HYCC1: variants seen among roughly 807,000 people sequenced by gnomAD.
The protein encoded by HYCC1 is hyccin PI4KA lipid kinase complex subunit 1.
chr7:22,977,066 G>A, the HYCC1 span, among the ~76,000 whole-genome samples: 1 of 17,942 alleles, frequency 5.6e-5, no homozygotes, highest in African/African-American at 2.2e-4. Context: ...CCCCCTGCCC[G>A]CCGGCCAACA....
the HYCC1 span, among the ~76,000 whole-genome samples, chr7:22,999,761 C>T: frequency 6.6e-6 from 1 of 152,082 alleles, no homozygotes; most frequent in Non-Finnish European, 1.5e-5. Context: ...CAAAGTGTTT[C>T]TATTAGTTTG....
At chr7:22,898,567 G>A in the HYCC1 span, among the ~76,000 whole-genome samples, 5 of 148,330 alleles carry the variant, frequency 3.4e-5, no homozygotes, top group Admixed American at 6.8e-5. Context: ...ACCCAGGCTG[G>A]TCCAAATATT....
the HYCC1 span, among the ~76,000 whole-genome samples, chr7:22,999,596 T>C: frequency 4.6e-5 from 7 of 152,072 alleles, no homozygotes; most frequent in African/African-American, 1.4e-4. Flanking sequence ...ATCCAGACAG[T>C]AGGCTGGGCA....
the HYCC1 span, chr7:22,991,161 T>A: frequency 6.8e-7 from 1 of 1,468,692 alleles, no homozygotes; most frequent in African/African-American, 1.4e-5. Context: ...CATAGAAAAA[T>A]GTTAACGTTT....
At chr7:22,936,265 A>T in the HYCC1 span, 7 of 152,078 alleles carry the variant, frequency 4.6e-5, no homozygotes, top group Non-Finnish European at 1.0e-4. Flanking sequence ...TCTGCCACTA[A>T]CTATCTGGTC....
the HYCC1 span, among the ~76,000 whole-genome samples, chr7:23,013,721 G>T: frequency 1.3e-5 from 2 of 151,570 alleles, no homozygotes; most frequent in Non-Finnish European, 2.9e-5. Context: ...CCGCCCGCCA[G>T]CCGCCCCCAG....
At chr7:22,985,815 T>TTA in the HYCC1 span, 442 of 148,984 alleles carry the variant, frequency 3.0e-3, 2 homozygotes, top group African/African-American at 9.8e-3. Flanking sequence ...TAAATCTAAA[T>TTA]TATATATATA....
chr7:22,923,636 T>C, the HYCC1 span, among the ~76,000 whole-genome samples: 4 of 151,840 alleles, frequency 2.6e-5, no homozygotes, highest in African/African-American at 9.7e-5. Flanking sequence ...ATCAGTAAAA[T>C]TGACAAACCT....
At chr7:22,900,306 C>A in the HYCC1 span, among the ~76,000 whole-genome samples, 1 of 152,168 alleles carries the variant, frequency 6.6e-6, no homozygotes, top group East Asian at 1.9e-4. Context: ...AGGCACTGAC[C>A]GCTGTTTACT....
the HYCC1 span, among the ~76,000 whole-genome samples, chr7:22,915,392 A>C: frequency 2.6e-5 from 4 of 152,244 alleles, no homozygotes; most frequent in Admixed American, 6.5e-5. Flanking sequence ...TCTTGCTTCA[A>C]GTGCTGGAAA....
chr7:23,013,728 C>T, the HYCC1 span, among the ~76,000 whole-genome samples: 5 of 151,812 alleles, frequency 3.3e-5, no homozygotes, highest in South Asian at 1.0e-3. Flanking sequence ...CCAGCCGCCC[C>T]CAGCGCCCCG....
the HYCC1 span, among the ~76,000 whole-genome samples, chr7:22,948,458 C>A: frequency 6.6e-6 from 1 of 152,036 alleles, no homozygotes; most frequent in Non-Finnish European, 1.5e-5. Flanking sequence ...GGCTCCAACC[C>A]CCAAACATTC....
chr7:22,976,834 A>G, the HYCC1 span: 1 of 1,366,322 alleles, frequency 7.3e-7, no homozygotes, highest in South Asian at 1.2e-5. Flanking sequence ...TTGAATAAAG[A>G]AAAAAAAAGC....
chr7:22,918,315 A>C, the HYCC1 span, among the ~76,000 whole-genome samples: 1 of 152,200 alleles, frequency 6.6e-6, no homozygotes, highest in East Asian at 1.9e-4. Context: ...GCCATCACTA[A>C]TCATGCTGTA....
At chr7:22,991,172 T>G in the HYCC1 span, 4 of 1,386,580 alleles carry the variant, frequency 2.9e-6, no homozygotes, top group Non-Finnish European at 4.1e-6. Context: ...GTTAACGTTT[T>G]GAATATATTT....
At chr7:22,920,149 G>C in the HYCC1 span, among the ~76,000 whole-genome samples, 1 of 152,020 alleles carries the variant, frequency 6.6e-6, no homozygotes, top group African/African-American at 2.4e-5. Flanking sequence ...ACAACATAGG[G>C]TGGTGTGATT....
the HYCC1 span, chr7:22,960,457 AG>A: frequency 6.6e-7 from 1 of 1,505,150 alleles, no homozygotes; most frequent in Non-Finnish European, 9.2e-7. Context: ...ATGAGCAGAT[AG>A]AGCAGATATA....
chr7:22,914,213 G>A, the HYCC1 span, among the ~76,000 whole-genome samples: 6 of 152,334 alleles, frequency 3.9e-5, no homozygotes, highest in East Asian at 1.2e-3. Context: ...TCACCGCGGG[G>A]ACGCCTGCCC....
the HYCC1 span, chr7:22,976,782 CAG>C: frequency 6.2e-7 from 1 of 1,612,698 alleles, no homozygotes; most frequent in Non-Finnish European, 8.5e-7. Context: ...CACTCTCAGT[CAG>C]AGCCATGGAC....
Sources: allele counts gnomAD v4.1 joint callset (sites outside exome capture counted in the v4.1 genomes callset), GRCh38; gene constraint gnomAD v4.1.1; transcripts MANE v1.5; gene names NCBI Gene and HGNC (gene_info 2026-07-23, HGNC 2026-07-21).